OTOP3: variants seen among roughly 807,000 people sequenced by gnomAD.
OTOP3 encodes the protein otopetrin 3, also known as proton channel OTOP3.
OTOP3 carries 41 observed loss-of-function variants against 50.8 expected under a neutral mutation model. The ratio of observed to expected loss-of-function variants is 0.81; its 90% CI spans 0.63 to 1.05. OTOP3 has a LOEUF of 1.05. Among genes scored for constraint, OTOP3 ranks in the 50% least tolerant of loss-of-function variants. The probability of loss-of-function intolerance (pLI) is 0.00; values close to 1 mark genes in which losing one functional copy is unlikely to be tolerated. For synonymous variants in OTOP3, 320 were observed against 324.4 expected (o/e 0.99, Z 0.14); for missense variants, 788 against 760.8 (o/e 1.04, Z -0.42).
Position 74,946,627 on chromosome 17 carries a change from A to C in OTOP3, c.752-34A>C, listed in dbSNP as rs749807181. On this transcript the variant is annotated intron_variant, in intron 5 of 6. Coordinates refer to ENST00000328801, the MANE Select transcript of OTOP3 (RefSeq NM_001272005.2). Reference sequence around the variant, plus strand: ...GTTTCCTCAGAGCAGAGCCTGCCTGAATGTCTGTCCCTCCCACCCTGCCTC... The same window carrying C: ...GTTTCCTCAGAGCAGAGCCTGCCTGCATGTCTGTCCCTCCCACCCTGCCTC... 6 of 1,558,408 alleles carry C rather than the reference A, an allele frequency of 3.9e-6. No individual in the cohort carries two copies. The South Asian group carries it at 7.0e-5, about 18-fold the overall frequency.
At chr17:74,942,210 C>T (rs1237400805) in intron 3 of OTOP3, among the ~76,000 whole-genome samples, 173 bp downstream of exon 3, 2 of 152,208 alleles carry the variant, frequency 1.3e-5, no homozygotes, top group Non-Finnish European at 2.9e-5. Flanking sequence ...TCCACACATA[C>T]CCACGGGTTC....
chr17:74,947,483 G>T lies in OTOP3; in HGVS notation c.1566+8G>T. On this transcript the variant is annotated splice_region_variant and intron_variant, in intron 6 of 6. Coordinates refer to ENST00000328801, the MANE Select transcript of OTOP3 (RefSeq NM_001272005.2). ...ATCCTCTGCAATATCACAGTAAGTGGCTGGGCTAAGGGGCCTGGAGGGTAG... is the reference window on the plus strand; with the variant it reads ...ATCCTCTGCAATATCACAGTAAGTGTCTGGGCTAAGGGGCCTGGAGGGTAG... 6.3e-7 allele frequency: 1 copy of T among 1,586,174 alleles called. No individual in the cohort carries two copies. Among genetic ancestry groups the T allele is most frequent in the Non-Finnish European group, 8.6e-7 (1 of 1,164,912 alleles).
At chr17:74,943,184 C>A in intron 3 of OTOP3, 102 bp from the exon 4 acceptor site, 1 of 1,027,728 alleles carries the variant, frequency 9.7e-7, no homozygotes, top group Non-Finnish European at 1.5e-6. Context: ...CAGTCTTTCT[C>A]CCTGTGTCTT....
At chr17:74,948,458 G>C (rs1296270062) in intron 6 of OTOP3, among the ~76,000 whole-genome samples, 1 of 152,060 alleles carries the variant, frequency 6.6e-6, no homozygotes, top group African/African-American at 2.4e-5. Flanking sequence ...GCCAGGAGTT[G>C]GAGACCAGCC....
At chr17:74,947,671 A>G (rs538036556) in intron 6 of OTOP3, among the ~76,000 whole-genome samples, 196 bp downstream of exon 6, 2 of 152,364 alleles carry the variant, frequency 1.3e-5, no homozygotes, top group African/African-American at 4.8e-5. Flanking sequence ...CTCTTCACAA[A>G]CAAATATGTA....
intron 1 of OTOP3, among the ~76,000 whole-genome samples, chr17:74,939,618 C>A (rs977616647): frequency 6.6e-6 from 1 of 152,140 alleles, no homozygotes; most frequent in Non-Finnish European, 1.5e-5. Context: ...CAAGTGGTGA[C>A]AAAGTGGTTG....
In OTOP3 at chr17:74,946,804, C is replaced by A. The variant is rs147825590; in HGVS notation, c.895C>A (p.Arg299Ser). ...VLFVMWKNVG[R>S]HVAPHMGAHP... ...GTTTGTCATGTGGAAGAACGTGGGC[C>A]GCCACGTGGCACCCCACATGGGTGC... is the stretch of plus-strand genomic sequence containing the variant. The change falls in exon 6 of 7, where the codon CGC (arginine) becomes AGC (serine). Residue 299 changes from arginine (R) to serine (S), a missense_variant. Physicochemically the swap from Arg to Ser is moderately radical, Grantham distance 110 (BLOSUM62 -1). Coordinates refer to ENST00000328801, the MANE Select transcript of OTOP3 (RefSeq NM_001272005.2). 1 of 1,611,812 alleles carries A rather than the reference C, an allele frequency of 6.2e-7. No individual in the cohort carries two copies. Among genetic ancestry groups the A allele is most frequent in the Non-Finnish European group, 8.5e-7 (1 of 1,180,008 alleles).
In OTOP3 at chr17:74,946,832, ACCC is replaced by A. The variant is rs1356417778; in HGVS notation, c.924_926del (p.Pro309del). 4 of 1,610,872 alleles carry A rather than the reference ACCC, an allele frequency of 2.5e-6. No homozygotes were observed. The highest frequency in any genetic ancestry group is 3.4e-6 in the Non-Finnish European group (4 of 1,180,004). ...CACGTGGCACCCCACATGGGTGCCC[ACCC>A]TGCCACCGCACCCTTCCACCTGCAC... On this transcript the variant is annotated inframe_deletion, in exon 6 of 7. Transcript: ENST00000328801.
chr17:74,936,033 A>G, intron 1 of OTOP3, 93 bp downstream of exon 1: 1 of 1,506,654 alleles, frequency 6.6e-7, no homozygotes, highest in Non-Finnish European at 8.9e-7. Flanking sequence ...GTTCACAAGT[A>G]GGGGCTGCAG....
chr17:74,938,779 T>C (rs1057300370), intron 1 of OTOP3, among the ~76,000 whole-genome samples: 2 of 152,048 alleles, frequency 1.3e-5, no homozygotes, highest in African/African-American at 4.8e-5. Context: ...ATTAGTTGCC[T>C]TTGCAGGACT....
Position 74,936,955 on chromosome 17 carries a change from C to A in OTOP3, c.19+1015C>A, listed in dbSNP as rs1458090121. On this transcript the variant is annotated intron_variant, in intron 1 of 6. Transcript: ENST00000328801. ...GCCCCTATTCGGCATTCATCACCCC[C>A]CCACCCTTTTTTTTTTTTTTTTTTT... Among the ~76,000 whole-genome samples the A allele has an allele frequency of 6.2e-5, 6 of 96,262 alleles. 1 individual carries two copies. The highest frequency in any genetic ancestry group is 1.9e-4 in the African/African-American group (5 of 26,568). The allele number at this position is 96,262 out of a possible 152,430, so 63.2% of individuals were successfully genotyped here. A position where few individuals can be genotyped will look rare whatever the true frequency, so the allele number is the denominator to read the frequency against.
In OTOP3 at chr17:74,947,454, C is replaced by G; in HGVS notation, c.1545C>G (p.Phe515Leu). 1 of 1,604,930 alleles carries G rather than the reference C, an allele frequency of 6.2e-7. No individual in the cohort carries two copies. The highest frequency in any genetic ancestry group is 8.5e-7 in the Non-Finnish European group (1 of 1,174,726). Residue 515 changes from phenylalanine to leucine, a missense_variant, in exon 6 of 7, where the codon TTC (phenylalanine) becomes TTG (leucine). By Grantham distance (22) the Phe-to-Leu change is conservative. Transcript: ENST00000328801. ...KRRALKEISL[F>L]LILCNITLWM... ...GGGCACTCAAGGAGATCTCACTCTT[C>G]CTCATCCTCTGCAATATCACAGTAA...
chr17:74,941,370 C>T, intron 1 of OTOP3, 23 bp from the exon 2 acceptor site: 2 of 1,465,170 alleles, frequency 1.4e-6, no homozygotes, highest in Non-Finnish European at 1.8e-6. Context: ...GCAGTTAACC[C>T]AGGACCCTTT....
chr17:74,939,137 G>T (rs1297617667), intron 1 of OTOP3, among the ~76,000 whole-genome samples: 1 of 152,174 alleles, frequency 6.6e-6, no homozygotes, highest in Admixed American at 6.5e-5. Context: ...TGGTGCCACT[G>T]CACTCCAGGC....
chr17:74,943,266 C>T lies in OTOP3; in HGVS notation c.574-20C>T. ...CACCACCTCCACCAGCCCCTGGGCT[C>T]AAGGCCCTGTCTCTTTCAGACCTGG... On this transcript the variant is annotated intron_variant, in intron 3 of 6. Coordinates refer to ENST00000328801, the MANE Select transcript of OTOP3 (RefSeq NM_001272005.2). 1 of 1,613,968 alleles carries T rather than the reference C, an allele frequency of 6.2e-7. No individual in the cohort carries two copies.
intron 5 of OTOP3, among the ~76,000 whole-genome samples, chr17:74,945,613 G>T (rs1363092842): frequency 6.6e-6 from 1 of 152,158 alleles, no homozygotes; most frequent in Non-Finnish European, 1.5e-5. Context: ...GATGCTGTGT[G>T]CTCTGAGGGA....
At position 74,945,280 on chromosome 17, in the gene OTOP3, A is replaced by T. The variant is rs77101331; in HGVS notation, c.752-1381A>T. Among the ~76,000 whole-genome samples, 20 of 152,264 alleles carry T rather than the reference A, an allele frequency of 1.3e-4. No homozygotes were observed. The East Asian group carries it at 3.9e-3, about 29-fold the overall frequency. ...CCAGTGTACATCTCTTTAGAAAGAGATGTATTCCCCCACATGACCACAATG... is the reference window on the plus strand; with the variant it reads ...CCAGTGTACATCTCTTTAGAAAGAGTTGTATTCCCCCACATGACCACAATG... On this transcript the variant is annotated intron_variant, in intron 5 of 6. Coordinates refer to ENST00000328801, the MANE Select transcript of OTOP3 (RefSeq NM_001272005.2).
At chr17:74,942,396 C>T (rs2039186708) in intron 3 of OTOP3, among the ~76,000 whole-genome samples, 3 of 152,020 alleles carry the variant, frequency 2.0e-5, no homozygotes, top group Non-Finnish European at 4.4e-5. Context: ...TTTGGGAGGC[C>T]GAGGCAGGCA....
At chr17:74,940,086 T>TACAC (rs2039155532) in intron 1 of OTOP3, among the ~76,000 whole-genome samples, 1 of 91,092 alleles carries the variant, frequency 1.1e-5, no homozygotes, top group African/African-American at 4.8e-5. Context: ...ATATATATAT[T>TACAC]ATACACACAC....
Sources: gnomAD v4.1 joint callset for allele counts (sites outside exome capture counted in the v4.1 genomes callset) on GRCh38, gnomAD v4.1.1 for gene constraint, MANE v1.5 for transcripts, NCBI Gene and HGNC (gene_info 2026-07-23, HGNC 2026-07-21) for gene names.